ARHGEF10: variants seen among roughly 807,000 people sequenced by gnomAD.
ARHGEF10 encodes the protein Rho guanine nucleotide exchange factor 10.
A neutral mutation model predicts 147.4 loss-of-function variants in ARHGEF10; 140 were observed. That is an observed-to-expected ratio of 0.95 (90% confidence interval 0.83 to 1.09). ARHGEF10 has a LOEUF of 1.09. ARHGEF10 is among the 50% of genes least tolerant of loss of function. The pLI, the probability that ARHGEF10 is intolerant of heterozygous loss-of-function variation, is 0.00. For missense variants in ARHGEF10, 2,222 were observed against 1,752.7 expected (o/e 1.27, Z -4.78); for synonymous variants, 902 against 695.8 (o/e 1.30, Z -4.67).
chr8:1,908,996 G>A (rs184995876), intron 17 of ARHGEF10, among the ~76,000 whole-genome samples: 9 of 152,348 alleles, frequency 5.9e-5, no homozygotes, highest in South Asian at 4.1e-4. Context: ...TTTGCTCAGA[G>A]TCATCAGCAA....
intron 2 of ARHGEF10, among the ~76,000 whole-genome samples, chr8:1,855,570 T>C (rs1805488059): frequency 6.6e-6 from 1 of 151,958 alleles, no homozygotes; most frequent in Non-Finnish European, 1.5e-5. Context: ...TTTTTTTTTT[T>C]TAAGAGACGG....
chr8:1,898,534 T>C lies in ARHGEF10; in HGVS notation c.1650+9T>C. ...TCATCCTCCTGCTCCAGGTAAGTGC[T>C]TCACGGAGACCTCCTCAAGCTAGTC... On this transcript the variant is annotated intron_variant, in intron 15 of 28. Transcript: ENST00000349830. 2 of 1,612,586 alleles carry C rather than the reference T, an allele frequency of 1.2e-6. No individual in the cohort carries two copies. The highest frequency in any genetic ancestry group is 8.5e-7 in the Non-Finnish European group (1 of 1,178,608).
chr8:1,931,548 A>T (rs938932131), intron 25 of ARHGEF10, among the ~76,000 whole-genome samples: 5 of 151,744 alleles, frequency 3.3e-5, no homozygotes, highest in Non-Finnish European at 5.9e-5. Context: ...TGTCCGGCGT[A>T]CCGTGTGGGA....
intron 13 of ARHGEF10, among the ~76,000 whole-genome samples, chr8:1,895,279 G>A (rs146812665): frequency 2.6e-5 from 4 of 152,350 alleles, no homozygotes; most frequent in Non-Finnish European, 4.4e-5. Flanking sequence ...CTACCTAGAT[G>A]TAGAGGATTA....
chr8:1,955,753 T>A (rs780930927), intron 28 of ARHGEF10, among the ~76,000 whole-genome samples: 1 of 152,278 alleles, frequency 6.6e-6, no homozygotes, highest in Non-Finnish European at 1.5e-5. Context: ...GCATTACACA[T>A]CAAGCCTCTG....
intron 25 of ARHGEF10, among the ~76,000 whole-genome samples, chr8:1,932,120 A>G (rs961893003): frequency 2.6e-5 from 4 of 152,154 alleles, no homozygotes; most frequent in African/African-American, 9.7e-5. Flanking sequence ...GTGCCACTCC[A>G]TGCCCTTCAG....
Position 1,882,707 on chromosome 8 carries a change from A to T in ARHGEF10, c.1033A>T (p.Arg345Trp). ...GGAGAGGACCAGGGCAGCCGTGAAG[A>T]GGGGCCGCTCCTTCATCAGGACCAA... ...GLERTRAAVK[R>W]GRSFIRTKSL... Residue 345 changes from arginine (R) to tryptophan (W), a missense_variant, in exon 10 of 29, where the codon AGG becomes TGG. Arg to Trp is a moderately radical substitution (Grantham distance 101). Transcript: ENST00000349830. 6.4e-7 allele frequency: 1 copy of T among 1,555,696 alleles called. No homozygotes were observed. Among genetic ancestry groups the T allele is most frequent in the African/African-American group, 1.4e-5 (1 of 73,364 alleles).
At chr8:1,892,214 T>C (rs572279771) in intron 11 of ARHGEF10, among the ~76,000 whole-genome samples, 1 of 151,534 alleles carries the variant, frequency 6.6e-6, no homozygotes, top group Non-Finnish European at 1.5e-5. Flanking sequence ...GGGAAGCCTC[T>C]GTGCTCTGAC....
rs1265333099 is a variant in ARHGEF10, at chr8:1,833,057, G to C, written c.-48+8944G>C. Among the ~76,000 whole-genome samples, 4 of 20,784 alleles carry C rather than the reference G, an allele frequency of 1.9e-4. 1 individual carries two copies. Among genetic ancestry groups the C allele is most frequent in the Non-Finnish European group, 3.2e-4 (3 of 9,264 alleles). The allele number at this position is 20,784 out of a possible 152,430, so 13.6% of individuals were successfully genotyped here. On this transcript the variant is annotated intron_variant, in intron 1 of 28. Transcript: ENST00000349830. ...AGAGAGAGACAGAGACAGAGGCAGA[G>C]AGAGACAGAGACAGAGGCAGAGAGA...
intron 27 of ARHGEF10, among the ~76,000 whole-genome samples, chr8:1,946,429 CG>C (rs1280806349): frequency 6.6e-6 from 1 of 152,190 alleles, no homozygotes; most frequent in Admixed American, 6.5e-5. Flanking sequence ...GGCAGCATGC[CG>C]GGGAGCACGG....
At position 1,858,001 on chromosome 8, in the gene ARHGEF10, G is replaced by C. The variant is rs1445156763; in HGVS notation, c.79G>C (p.Glu27Gln). 1 of 1,614,130 alleles carries C rather than the reference G, an allele frequency of 6.2e-7. No homozygotes were observed. Among genetic ancestry groups the C allele is most frequent in the Non-Finnish European group, 8.5e-7 (1 of 1,180,012 alleles). The change falls in exon 3 of 29, where the codon GAG becomes CAG. Residue 27 changes from glutamate (E) to glutamine (Q), a missense_variant. Glu to Gln is a conservative substitution (Grantham distance 29). Coordinates refer to ENST00000349830, the MANE Select transcript of ARHGEF10 (RefSeq NM_014629.4). ...KYDTNNNEEE[E>Q]GEQFDFDSGD... ...TGATACCAATAATAATGAAGAGGAA[G>C]AGGGAGAACAGTTCGATTTTGACAG...
At chr8:1,867,011 C>T (rs924965575) in intron 6 of ARHGEF10, among the ~76,000 whole-genome samples, 19 of 150,876 alleles carry the variant, frequency 1.3e-4, no homozygotes, top group Non-Finnish European at 2.5e-4. Flanking sequence ...GGCGGGTGGG[C>T]CTCCCTTTTT....
chr8:1,934,095 G>A (rs3758022), intron 26 of ARHGEF10, among the ~76,000 whole-genome samples, 153 bp downstream of exon 26: 2 of 151,998 alleles, frequency 1.3e-5, no homozygotes, highest in Admixed American at 1.3e-4. Context: ...AACACTCTGG[G>A]AGGCCAAGGT....
chr8:1,895,356 C>T (rs1209925033), intron 13 of ARHGEF10, among the ~76,000 whole-genome samples: 2 of 151,942 alleles, frequency 1.3e-5, no homozygotes, highest in Admixed American at 1.3e-4. Flanking sequence ...TATAAGCTTG[C>T]AAGTTTTGAA....
intron 1 of ARHGEF10, among the ~76,000 whole-genome samples, chr8:1,840,335 C>T (rs1379608104): frequency 4.1e-5 from 5 of 121,158 alleles, no homozygotes; most frequent in South Asian, 2.9e-4. Flanking sequence ...GGAAGCTGTC[C>T]GATATGGGGA....
intron 2 of ARHGEF10, among the ~76,000 whole-genome samples, chr8:1,855,250 A>C (rs1805462285): frequency 6.6e-6 from 1 of 152,208 alleles, no homozygotes; most frequent in Non-Finnish European, 1.5e-5. Flanking sequence ...TAATTGTTTG[A>C]GTTCAGCGGT....
At position 1,949,043 on chromosome 8, in the gene ARHGEF10, G is replaced by T. The variant is rs1585653445; in HGVS notation, c.3397+3388G>T. Among the ~76,000 whole-genome samples, 3 of 146,650 alleles carry T rather than the reference G, an allele frequency of 2.0e-5. No individual in the cohort carries two copies. The Middle Eastern group carries it at 0.01, about 502-fold the overall frequency. On this transcript the variant is annotated intron_variant, in intron 27 of 28. Coordinates refer to ENST00000349830, the MANE Select transcript of ARHGEF10 (RefSeq NM_014629.4). ...ATGTGTGTGTGTGTGTGTGTGTGTGGCAACAAGACATAAAATTATCTTTTT... is the reference window on the plus strand; with the variant it reads ...ATGTGTGTGTGTGTGTGTGTGTGTGTCAACAAGACATAAAATTATCTTTTT...
rs1812602293 is a variant in ARHGEF10, at chr8:1,925,320, C to T, written c.2526C>T (p.Asp842=). The T allele has an allele frequency of 5.0e-6, 8 of 1,614,010 alleles. No homozygotes were observed. The highest frequency in any genetic ancestry group is 3.3e-5 in the South Asian group (3 of 91,088). Reference sequence around the variant, plus strand: ...ACATGGGCTGGTTCTGTGTGGAAGACGATGGGAATCACATTAAAAAGGAGA... The same window carrying T: ...ACATGGGCTGGTTCTGTGTGGAAGATGATGGGAATCACATTAAAAAGGAGA... ...ENHMGWFCVE[D]DGNHIKKEKH... The change falls in exon 22 of 29, where the codon GAC becomes GAT. Residue 842 remains aspartate (D), a synonymous_variant. Coordinates refer to ENST00000349830, the MANE Select transcript of ARHGEF10 (RefSeq NM_014629.4).
chr8:1,886,893 A>ATGTGATC (rs1808708135), intron 11 of ARHGEF10, among the ~76,000 whole-genome samples: 2 of 152,140 alleles, frequency 1.3e-5, no homozygotes, highest in South Asian at 4.1e-4. Context: ...CACTGGGGCC[A>ATGTGATC]TGTGATCTGG....
Sources: allele counts gnomAD v4.1 joint callset (sites outside exome capture counted in the v4.1 genomes callset), GRCh38; gene constraint gnomAD v4.1.1; transcripts MANE v1.5; gene names NCBI Gene and HGNC (gene_info 2026-07-23, HGNC 2026-07-21).